The following JPH3 variants were observed in gnomAD, a reference collection of about 807,000 sequenced individuals.
JPH3 encodes the protein junctophilin 3.
In JPH3, 11 loss-of-function variants were observed where a neutral mutation model predicts 59.6. The observed-to-expected ratio is 0.18, with a 90% CI of 0.12 to 0.31. The LOEUF (loss-of-function observed/expected upper bound fraction) is 0.31. Ranked by LOEUF, JPH3 falls within the 10% of genes least tolerant of loss-of-function variation. The pLI, the probability that JPH3 is intolerant of heterozygous loss-of-function variation, is 1.00. For missense variants in JPH3, 1,202 were observed against 1,105.7 expected, an observed-to-expected ratio of 1.09 and a Z score of -1.24; for synonymous variants, 673 against 483.6, an observed-to-expected ratio of 1.39 and a Z score of -5.14.
rs1439942100 is a variant in JPH3 at position 87,644,765 on chromosome 16, G to A, written c.890G>A (p.Arg297His). The A allele has an allele frequency of 6.2e-7, 1 of 1,613,184 alleles. No homozygotes were observed. Among genetic ancestry groups the A allele is most frequent in the Non-Finnish European group, 8.5e-7 (1 of 1,179,898 alleles). ...TYVGEWKNDK[R>H]SGFGVSQRSD... ...GTGGGCGAGTGGAAGAACGACAAACGCTCCGGCTTCGGCGTGAGCCAGCGC... is the reference window on the plus strand; with the variant it reads ...GTGGGCGAGTGGAAGAACGACAAACACTCCGGCTTCGGCGTGAGCCAGCGC... Residue 297 changes from arginine to histidine, a missense_variant, in exon 2 of 5, where the codon CGC becomes CAC. By Grantham distance (29) the Arg-to-His change is conservative. Transcript: ENST00000284262.
chr16:87,656,857 C>T (rs2032519353), intron 2 of JPH3, among the ~76,000 whole-genome samples: 1 of 152,158 alleles, frequency 6.6e-6, no homozygotes, highest in African/African-American at 2.4e-5. Context: ...AGTCCAAATG[C>T]ATGGTGCCTG....
At chr16:87,688,430 G>C (rs976307352) in intron 3 of JPH3, among the ~76,000 whole-genome samples, 1 of 152,176 alleles carries the variant, frequency 6.6e-6, no homozygotes, top group African/African-American at 2.4e-5. Context: ...GCCACACCGA[G>C]GGTAGCCATG....
chr16:87,642,765 C>T (rs2031996793), intron 1 of JPH3, among the ~76,000 whole-genome samples: 1 of 152,210 alleles, frequency 6.6e-6, no homozygotes, highest in African/African-American at 2.4e-5. Context: ...CATGAGGAGT[C>T]CTGGTTCCAC....
chr16:87,637,973 G>A (rs1209116756), intron 1 of JPH3, among the ~76,000 whole-genome samples: 2 of 152,108 alleles, frequency 1.3e-5, no homozygotes, highest in East Asian at 3.9e-4. Flanking sequence ...CTGGAGTGCA[G>A]TGGCACAATC....
rs1011553145 is a variant in JPH3, at chr16:87,696,671, C to T, written c.*11C>T. 6.9e-6 allele frequency: 11 copies of T among 1,605,296 alleles called. No homozygotes were observed. Among genetic ancestry groups the T allele is most frequent in the South Asian group, 1.1e-5 (1 of 90,900 alleles). On this transcript the variant is annotated 3_prime_UTR_variant, in exon 5 of 5. Transcript: ENST00000284262. ...AACTTTTTCATCTGATGAGATGTCG[C>T]GGTAGCAAAAATAGAGAAAGGGTAG...
intron 2 of JPH3, among the ~76,000 whole-genome samples, chr16:87,655,655 T>C (rs537813329): frequency 6.6e-6 from 1 of 152,318 alleles, no homozygotes; most frequent in South Asian, 2.1e-4. Context: ...GCCTGGCCAA[T>C]AATGTTCTAT....
chr16:87,664,882 T>C (rs567820172), intron 2 of JPH3, among the ~76,000 whole-genome samples: 2 of 152,268 alleles, frequency 1.3e-5, no homozygotes, highest in East Asian at 3.9e-4. Flanking sequence ...GGAAGCGTCA[T>C]GAGGACCCAG....
At position 87,664,331 on chromosome 16, in the gene JPH3, G is replaced by GAA. The variant is rs71389874; in HGVS notation, c.1160+19309_1160+19310dup. 3.0e-3 allele frequency among the ~76,000 whole-genome samples: 386 copies of GAA among 127,808 alleles called. 1 individual carries two copies. The highest frequency in any genetic ancestry group is 5.5e-3 in the Middle Eastern group (1 of 182). 83.8% of individuals were successfully genotyped at this position (127,808 alleles called of 152,430 possible). Reference sequence around the variant, plus strand: ...TGGGCGACAGAATGAGACTCTGTCTGAAAAAAAAAAAAAATCATATGGCCC... The same window carrying GAA: ...TGGGCGACAGAATGAGACTCTGTCTGAAAAAAAAAAAAAAAATCATATGGCCC... On this transcript the variant is annotated intron_variant, in intron 2 of 4. Coordinates refer to ENST00000284262, the MANE Select transcript of JPH3 (RefSeq NM_020655.4).
At chr16:87,625,824 G>T (rs909323708) in intron 1 of JPH3, among the ~76,000 whole-genome samples, 3 of 152,070 alleles carry the variant, frequency 2.0e-5, no homozygotes, top group Non-Finnish European at 4.4e-5. Context: ...CGGGAGAACC[G>T]CAGCGGCTTG....
In JPH3 at chr16:87,684,202, G is replaced by A; in HGVS notation, c.1221G>A (p.Glu407=). Residue 407 remains glutamate (E), a synonymous_variant, in exon 3 of 5, where the codon GAG becomes GAA. Transcript: ENST00000284262. The stretch of plus-strand genomic sequence containing the variant: ...TCACAGCAGCTCAGAAAGCCCAGGA[G>A]GAGGCGCGGATCGCCAGGATCACTG... ...AALTAAQKAQ[E]EARIARITAK... is the part of the protein sequence containing the mutation. 3 of 1,613,994 alleles carry A rather than the reference G, an allele frequency of 1.9e-6. No homozygotes were observed. The highest frequency in any genetic ancestry group is 1.1e-5 in the South Asian group (1 of 91,082).
chr16:87,648,869 TG>T (rs1159592837), intron 2 of JPH3, among the ~76,000 whole-genome samples: 2 of 152,078 alleles, frequency 1.3e-5, no homozygotes, highest in Admixed American at 6.5e-5. Context: ...CATGTCTAGG[TG>T]GGGGCCCCAG....
chr16:87,627,663 T>C (rs944497538), intron 1 of JPH3, among the ~76,000 whole-genome samples: 1 of 104,556 alleles, frequency 9.6e-6, no homozygotes, highest in African/African-American at 5.9e-5. Context: ...AGGGAATGAT[T>C]TTTTATCCCC....
intron 2 of JPH3, among the ~76,000 whole-genome samples, chr16:87,672,711 A>G (rs2033049073): frequency 6.6e-6 from 1 of 152,240 alleles, no homozygotes; most frequent in South Asian, 2.1e-4. Flanking sequence ...GGCCACGTTT[A>G]GTTGATAAAA....
At chr16:87,696,485 T>C in intron 4 of JPH3, 95 bp from the exon 5 acceptor site, 5 of 1,013,664 alleles carry the variant, frequency 4.9e-6, no homozygotes, top group Non-Finnish European at 4.6e-6. Context: ...CCCGAGGGTC[T>C]GCTAGCTTGG....
intron 2 of JPH3, among the ~76,000 whole-genome samples, chr16:87,646,157 A>T (rs1181673911): frequency 1.3e-5 from 2 of 152,372 alleles, no homozygotes; most frequent in East Asian, 1.9e-4. Flanking sequence ...GAGTTCCTCC[A>T]GGAAAGCTCC....
intron 2 of JPH3, among the ~76,000 whole-genome samples, chr16:87,662,653 C>T (rs776854015): frequency 1.2e-4 from 19 of 152,224 alleles, no homozygotes; most frequent in Non-Finnish European, 2.2e-4. Flanking sequence ...CCCCAGTCCC[C>T]GCTGAGCCAT....
At chr16:87,685,091 G>A (rs997896452) in intron 3 of JPH3, among the ~76,000 whole-genome samples, 4 of 152,210 alleles carry the variant, frequency 2.6e-5, no homozygotes, top group African/African-American at 7.2e-5. Flanking sequence ...TGCTCGCAAC[G>A]CCTGCCACTC....
chr16:87,636,002 G>A (rs1005556738), intron 1 of JPH3, among the ~76,000 whole-genome samples: 8 of 152,244 alleles, frequency 5.3e-5, no homozygotes, highest in African/African-American at 1.9e-4. Context: ...ACATTATCTA[G>A]CTCTGGGGGC....
intron 3 of JPH3, among the ~76,000 whole-genome samples, chr16:87,685,925 G>A (rs1039135900): frequency 1.3e-5 from 2 of 152,184 alleles, no homozygotes; most frequent in African/African-American, 4.8e-5. Context: ...CTGTGCAGGT[G>A]TCATTATGGA....
Sources: allele counts gnomAD v4.1 joint callset (sites outside exome capture counted in the v4.1 genomes callset), GRCh38; gene constraint gnomAD v4.1.1; transcripts MANE v1.5; gene names NCBI Gene and HGNC (gene_info 2026-07-23, HGNC 2026-07-21).